The following MARCHF10 variants were observed in gnomAD, a reference collection of about 807,000 sequenced individuals.
MARCHF10 encodes the protein membrane associated ring-CH-type finger 10.
Under a neutral mutation model 76.2 loss-of-function variants are expected in MARCHF10, and 64 were observed. That is an observed-to-expected ratio of 0.84 (90% confidence interval 0.69 to 1.03). The LOEUF (loss-of-function observed/expected upper bound fraction) is 1.03. Ranked by LOEUF, MARCHF10 falls within the 50% of genes least tolerant of loss-of-function variation. The pLI is 0.00. For missense variants in MARCHF10, 875 were observed against 958.0 expected (o/e 0.91, Z 1.14); for synonymous variants, 340 against 357.5 (o/e 0.95, Z 0.55).
At chr17:62,731,374 C>G (rs982813502) in intron 6 of MARCHF10, among the ~76,000 whole-genome samples, 3 of 152,050 alleles carry the variant, frequency 2.0e-5, no homozygotes, top group Non-Finnish European at 4.4e-5. Context: ...GAGATTCTCC[C>G]ACTTCAGCCT....
chr17:62,795,648 G>A (rs957700890), intron 2 of MARCHF10, among the ~76,000 whole-genome samples: 10 of 152,138 alleles, frequency 6.6e-5, no homozygotes, highest in Non-Finnish European at 1.3e-4. Flanking sequence ...AACACTTAGC[G>A]TATTTTAGGC....
intron 6 of MARCHF10, 60 bp from the exon 7 acceptor site, chr17:62,725,164 A>G (rs1366998909): frequency 2.0e-6 from 3 of 1,465,136 alleles, no homozygotes; most frequent in Non-Finnish European, 2.7e-6. Context: ...TTCTACAAAT[A>G]CCAGTTCCCA....
At chr17:62,759,711 T>G (rs2092142065) in intron 4 of MARCHF10, 124 bp downstream of exon 4, 7 of 917,494 alleles carry the variant, frequency 7.6e-6, no homozygotes, top group Admixed American at 5.3e-5. Flanking sequence ...CCTCAAGTGA[T>G]CCGCCGGCCT....
intron 3 of MARCHF10, among the ~76,000 whole-genome samples, chr17:62,781,250 T>C (rs1157521784): frequency 6.6e-6 from 1 of 152,184 alleles, no homozygotes; most frequent in Non-Finnish European, 1.5e-5. Context: ...CCTCAGAACC[T>C]TCTCCTCCAC....
intron 3 of MARCHF10, among the ~76,000 whole-genome samples, chr17:62,771,607 C>T (rs1361600953): frequency 7.0e-6 from 1 of 143,558 alleles, no homozygotes. Flanking sequence ...GACAGAGTCT[C>T]ACTCTGTTGC....
intron 10 of MARCHF10, among the ~76,000 whole-genome samples, chr17:62,703,827 C>T (rs1448148172): frequency 1.3e-5 from 2 of 152,236 alleles, no homozygotes; most frequent in Non-Finnish European, 2.9e-5. Flanking sequence ...TTCTTCTGCC[C>T]TCCGGAGACG....
chr17:62,807,352 G>A (rs1223961207), intron 1 of MARCHF10, among the ~76,000 whole-genome samples: 1 of 152,124 alleles, frequency 6.6e-6, no homozygotes, highest in Non-Finnish European at 1.5e-5. Context: ...CAGCCAATTT[G>A]GCTTAAGAGT....
intron 5 of MARCHF10, among the ~76,000 whole-genome samples, chr17:62,740,300 T>C (rs1012582776): frequency 6.6e-6 from 1 of 152,078 alleles, no homozygotes; most frequent in Non-Finnish European, 1.5e-5. Flanking sequence ...GCTCCAGCTG[T>C]GAGTGAAGTG....
At position 62,701,548 on chromosome 17, in the gene MARCHF10, C is replaced by T; in HGVS notation, c.*155G>A. The T allele has an allele frequency of 2.0e-6, 3 of 1,526,274 alleles. No individual in the cohort carries two copies. The highest frequency in any genetic ancestry group is 2.6e-6 in the Non-Finnish European group (3 of 1,134,528). The allele number at this position is 1,526,274 out of a possible 1,614,324, so 94.5% of individuals were successfully genotyped here. On this transcript the variant is annotated 3_prime_UTR_variant, in exon 11 of 11. Coordinates refer to ENST00000311269, the MANE Select transcript of MARCHF10 (RefSeq NM_152598.4). ...TGTGGCTGCCCATAGATGCTCAAGC[C>T]AGACCCCAAAAGAGAGTGGCACGAG...
In MARCHF10 at chr17:62,802,135, T is replaced by C. The variant is rs151327753; in HGVS notation, c.-17-383A>G. Among the ~76,000 whole-genome samples the C allele has an allele frequency of 4.6e-3, 706 of 152,326 alleles. 2 individuals are homozygous for C. Among genetic ancestry groups the C allele is most frequent in the African/African-American group, 0.016 (684 of 41,574 alleles). ...TTACTTAAATTCATTTATGCAACAA[T>C]GATTGCACCGTTATTTCCATCCAGG... On this transcript the variant is annotated intron_variant, in intron 1 of 10. Transcript: ENST00000311269.
intron 2 of MARCHF10, among the ~76,000 whole-genome samples, chr17:62,799,642 A>G (rs760142370): frequency 6.6e-5 from 10 of 152,062 alleles, no homozygotes; most frequent in Non-Finnish European, 1.5e-4. Flanking sequence ...GCTACTTGGG[A>G]CGCGGAGGCA....
chr17:62,767,714 G>A (rs2092365469), intron 3 of MARCHF10, among the ~76,000 whole-genome samples: 1 of 152,102 alleles, frequency 6.6e-6, no homozygotes, highest in African/African-American at 2.4e-5. Context: ...GCCTCCCAAA[G>A]TGCTGGGATT....
At chr17:62,724,553 T>C (rs2090656804) in intron 7 of MARCHF10, among the ~76,000 whole-genome samples, 1 of 152,134 alleles carries the variant, frequency 6.6e-6, no homozygotes, top group Non-Finnish European at 1.5e-5. Context: ...GGGTGTCTGC[T>C]AGCTGGGCAC....
At chr17:62,739,511 A>G (rs991341831) in intron 5 of MARCHF10, among the ~76,000 whole-genome samples, 1 of 151,388 alleles carries the variant, frequency 6.6e-6, no homozygotes, top group Non-Finnish European at 1.5e-5. Context: ...CCTCCTGAGT[A>G]GCTGGGATTA....
At chr17:62,766,886 T>C (rs545603122) in intron 3 of MARCHF10, among the ~76,000 whole-genome samples, 3 of 152,292 alleles carry the variant, frequency 2.0e-5, no homozygotes, top group Non-Finnish European at 1.5e-5. Flanking sequence ...AAAACAATGT[T>C]TAATCAAGGG....
chr17:62,723,559 C>CTATTTTTTTTTTTTTTTTT (rs2090599016), intron 7 of MARCHF10, among the ~76,000 whole-genome samples: 1 of 80,370 alleles, frequency 1.2e-5, no homozygotes, highest in Admixed American at 1.4e-4. Context: ...GTTCGCTTGA[C>CTATTTTTTTTTTTTTTTTT]TTTTTTTTTT....
intron 8 of MARCHF10, among the ~76,000 whole-genome samples, chr17:62,721,484 C>T (rs1181958455): frequency 2.0e-5 from 3 of 151,730 alleles, no homozygotes; most frequent in African/African-American, 4.8e-5. Flanking sequence ...CTATATTGAA[C>T]AAAATAGTAT....
At chr17:62,723,558 A>ATTTTTTTTTTTTTTTTTTTTTTTTTT (rs2090597792) in intron 7 of MARCHF10, among the ~76,000 whole-genome samples, 1 of 62,362 alleles carries the variant, frequency 1.6e-5, no homozygotes, top group Non-Finnish European at 2.6e-5. Context: ...TGTTCGCTTG[A>ATTTTTTTTTTTTTTTTTTTTTTTTTT]CTTTTTTTTT....
chr17:62,720,865 T>G (rs1013087509), intron 8 of MARCHF10, among the ~76,000 whole-genome samples: 8 of 135,636 alleles, frequency 5.9e-5, no homozygotes, highest in Non-Finnish European at 1.1e-4. Flanking sequence ...TTGTGATTTT[T>G]TTTTTTTTTT....
Sources: gnomAD v4.1 joint callset for allele counts (sites outside exome capture counted in the v4.1 genomes callset) on GRCh38, gnomAD v4.1.1 for gene constraint, MANE v1.5 for transcripts, NCBI Gene and HGNC (gene_info 2026-07-23, HGNC 2026-07-21) for gene names.